RGS7: variants seen among roughly 807,000 people sequenced by gnomAD.
RGS7 encodes regulator of G protein signaling 7, also known as regulator of G-protein signaling 7.
In RGS7, 27 loss-of-function variants were observed where a neutral mutation model predicts 81.1. The observed-to-expected ratio is 0.33, with a 90% confidence interval of 0.25 to 0.46. The LOEUF is 0.46. RGS7 is among the 20% of genes least tolerant of loss of function. The pLI, the probability that RGS7 is intolerant of heterozygous loss-of-function variation, is 1.00. For synonymous variants in RGS7, 208 were observed against 207.7 expected (o/e 1.00, Z -0.01); for missense variants, 396 against 607.4 (o/e 0.65, Z 3.66).
chr1:241,081,880 A>C (rs924003839), intron 3 of RGS7, among the ~76,000 whole-genome samples: 4 of 152,218 alleles, frequency 2.6e-5, no homozygotes, highest in Admixed American at 2.0e-4. Flanking sequence ...ACACAGCAAT[A>C]AAATGATTTG....
chr1:241,341,486 A>G (rs970077817), intron 2 of RGS7, among the ~76,000 whole-genome samples: 4 of 152,162 alleles, frequency 2.6e-5, no homozygotes, highest in Non-Finnish European at 5.9e-5. Flanking sequence ...AAAAGGCTAC[A>G]GGGAGTTACA....
At chr1:241,177,985 T>C (rs2071288894) in intron 2 of RGS7, among the ~76,000 whole-genome samples, 1 of 152,102 alleles carries the variant, frequency 6.6e-6, no homozygotes, top group Admixed American at 6.5e-5. Context: ...GTTGGATACA[T>C]AAGTCAGGAG....
intron 2 of RGS7, among the ~76,000 whole-genome samples, chr1:241,210,240 G>A (rs1161053568): frequency 6.6e-6 from 1 of 152,046 alleles, no homozygotes; most frequent in Non-Finnish European, 1.5e-5. Flanking sequence ...ACCTCTGCCT[G>A]CCAGGTTCAA....
At chr1:240,829,242 G>T (rs1205848514) in intron 9 of RGS7, among the ~76,000 whole-genome samples, 1 of 152,114 alleles carries the variant, frequency 6.6e-6, no homozygotes, top group Non-Finnish European at 1.5e-5. Flanking sequence ...ATCTATTTAG[G>T]AATAGAAATC....
intron 18 of RGS7, among the ~76,000 whole-genome samples, chr1:240,798,199 T>C (rs1687391958): frequency 6.6e-6 from 1 of 151,880 alleles, no homozygotes; most frequent in African/African-American, 2.4e-5. Flanking sequence ...CAAAAAGGAG[T>C]CTATATTTTT....
At position 240,868,568 on chromosome 1, in the gene RGS7, G is replaced by T. The variant is rs751850227; in HGVS notation, c.609+19C>A. 2 of 1,611,450 alleles carry T rather than the reference G, an allele frequency of 1.2e-6. No homozygotes were observed. The highest frequency in any genetic ancestry group is 3.3e-5 in the Admixed American group (2 of 60,022). Reference sequence around the variant, plus strand: ...GACGGAGAAGATGGATTCAAGACGAGAGTGCGACGCTTGCTTACCACGGGC... The same window carrying T: ...GACGGAGAAGATGGATTCAAGACGATAGTGCGACGCTTGCTTACCACGGGC... On this transcript the variant is annotated intron_variant, in intron 9 of 18. Transcript: ENST00000440928. The surrounding 1 kb of genome is among the most constrained non-coding windows in gnomAD (Gnocchi z 5.1).
intron 7 of RGS7, among the ~76,000 whole-genome samples, chr1:240,869,730 A>G (rs1232287984): frequency 6.6e-6 from 1 of 152,026 alleles, no homozygotes; most frequent in Non-Finnish European, 1.5e-5. Context: ...ACCTGAGGTC[A>G]GGAGTTCAAG....
intron 10 of RGS7, among the ~76,000 whole-genome samples, chr1:240,823,799 C>T (rs191643476): frequency 1.3e-5 from 2 of 151,954 alleles, no homozygotes; most frequent in East Asian, 3.9e-4. Flanking sequence ...AAATCTCTGT[C>T]TCTGTCTCTC....
intron 18 of RGS7, among the ~76,000 whole-genome samples, chr1:240,793,609 A>AT (rs1254356744): frequency 1.3e-4 from 11 of 87,032 alleles, no homozygotes; most frequent in African/African-American, 4.5e-4. Context: ...ATATATATAT[A>AT]TATTTTTTTT....
At chr1:241,229,060 TAA>T (rs34579729) in intron 2 of RGS7, among the ~76,000 whole-genome samples, 228 of 143,234 alleles carry the variant, frequency 1.6e-3, no homozygotes, top group Middle Eastern at 7.2e-3. Flanking sequence ...AATAAAAAAT[TAA>T]AAAAAAAAAA....
intron 2 of RGS7, among the ~76,000 whole-genome samples, chr1:241,192,159 G>GGTGTGTGTGTGTGT (rs58714151): frequency 0.015 from 1,798 of 121,910 alleles, 31 homozygotes; most frequent in Non-Finnish European, 0.02. Flanking sequence ...AGAGAAAACA[G>GGTGTGTGTGTGTGT]GTGTGTGTGT....
At chr1:241,148,962 T>C (rs765410954) in intron 2 of RGS7, among the ~76,000 whole-genome samples, 4 of 152,236 alleles carry the variant, frequency 2.6e-5, no homozygotes, top group Non-Finnish European at 5.9e-5. Context: ...ATTACAACCA[T>C]TTTGACATTC....
At chr1:241,207,130 G>A (rs1214793025) in intron 2 of RGS7, among the ~76,000 whole-genome samples, 11 of 150,974 alleles carry the variant, frequency 7.3e-5, no homozygotes, top group Admixed American at 4.6e-4. Flanking sequence ...CACCACGCCC[G>A]GCTAATTTTT....
At chr1:240,919,681 C>T (rs1340513121) in intron 6 of RGS7, 8 of 553,746 alleles carry the variant, frequency 1.4e-5, no homozygotes, top group Admixed American at 3.0e-5. Flanking sequence ...CCTAAAGAAC[C>T]GAACAGCTGA....
chr1:241,147,368 A>G (rs948461536), intron 2 of RGS7, among the ~76,000 whole-genome samples: 2 of 152,186 alleles, frequency 1.3e-5, no homozygotes, highest in Admixed American at 1.3e-4. Context: ...TGTGTTGTAG[A>G]GTTTCACCAC....
intron 2 of RGS7, among the ~76,000 whole-genome samples, chr1:241,202,303 C>T (rs969956090): frequency 7.0e-5 from 10 of 142,986 alleles, no homozygotes; most frequent in Admixed American, 1.3e-4. Context: ...AATTTTAATT[C>T]ATTTTCCCCA....
intron 9 of RGS7, among the ~76,000 whole-genome samples, chr1:240,856,610 T>C (rs899368284): frequency 2.7e-5 from 4 of 147,924 alleles, no homozygotes; most frequent in Non-Finnish European, 4.4e-5. Context: ...TTTTATCATA[T>C]ACTTGTTTGT....
chr1:241,235,666 TTC>T (rs778188637), intron 2 of RGS7, among the ~76,000 whole-genome samples: 19 of 81,016 alleles, frequency 2.3e-4, no homozygotes, highest in Non-Finnish European at 4.2e-4. Flanking sequence ...TTCTTTCTCT[TTC>T]TCTCTCTCTT....
chr1:240,866,319 T>G (rs1025857480), intron 9 of RGS7, among the ~76,000 whole-genome samples: 2 of 151,506 alleles, frequency 1.3e-5, no homozygotes, highest in Non-Finnish European at 3.0e-5. Context: ...AGATCATCCT[T>G]GCTAACACGG....
Sources: gnomAD v4.1 joint callset for allele counts (sites outside exome capture counted in the v4.1 genomes callset) on GRCh38, gnomAD v4.1.1 for gene constraint, Gnocchi (gnomAD v3.1) non-coding constraint, MANE v1.5 for transcripts, NCBI Gene and HGNC (gene_info 2026-07-23, HGNC 2026-07-21) for gene names.